The following RFX7 variants were observed in gnomAD, a reference collection of about 807,000 sequenced individuals.
The protein encoded by RFX7 is regulatory factor X7.
A neutral mutation model predicts 111.8 loss-of-function variants in RFX7; 26 were observed. The observed-to-expected ratio is 0.23, with a 90% CI of 0.17 to 0.32. The LOEUF (loss-of-function observed/expected upper bound fraction) is 0.32. Ranked by LOEUF, RFX7 falls within the 10% of genes least tolerant of loss-of-function variation. The probability of loss-of-function intolerance (pLI) is 1.00; values close to 1 mark genes in which losing one functional copy is unlikely to be tolerated. For synonymous variants in RFX7, 624 were observed against 624.4 expected, an observed-to-expected ratio of 1.00 and a Z score of 0.01; for missense variants, 1,573 against 1,772.9, an observed-to-expected ratio of 0.89 and a Z score of 2.02.
intron 3 of RFX7, 132 bp downstream of exon 3, chr15:56,179,138 A>C (rs1273680053): frequency 1.6e-5 from 6 of 381,050 alleles, no homozygotes; most frequent in Non-Finnish European, 2.9e-5. Flanking sequence ...AGGGGGCTGT[A>C]ATTAAAATAT....
At chr15:56,196,420 T>C (rs1272313805) in intron 2 of RFX7, among the ~76,000 whole-genome samples, 1 of 152,112 alleles carries the variant, frequency 6.6e-6, no homozygotes, top group South Asian at 2.1e-4. Flanking sequence ...TTCACAGGCA[T>C]GAAGTTCTGC....
At chr15:56,100,524 T>C (rs1164309863) in intron 8 of RFX7, among the ~76,000 whole-genome samples, 1 of 152,230 alleles carries the variant, frequency 6.6e-6, no homozygotes, top group Non-Finnish European at 1.5e-5. Flanking sequence ...TAAGAGACTA[T>C]AATTCTGGCC....
intron 2 of RFX7, among the ~76,000 whole-genome samples, chr15:56,218,677 A>T (rs189679334): frequency 6.6e-6 from 1 of 152,314 alleles, no homozygotes; most frequent in East Asian, 1.9e-4. Flanking sequence ...AGCGAGCAAC[A>T]AAGAAGGCGA....
chr15:56,170,762 TA>T (rs2042836965), intron 3 of RFX7, among the ~76,000 whole-genome samples: 2 of 152,316 alleles, frequency 1.3e-5, no homozygotes, highest in South Asian at 2.1e-4. Flanking sequence ...CCATATTGAA[TA>T]GTGCATATAT....
intron 5 of RFX7, among the ~76,000 whole-genome samples, chr15:56,121,708 A>T (rs1429983781): frequency 6.6e-6 from 1 of 151,788 alleles, no homozygotes; most frequent in Admixed American, 6.6e-5. Flanking sequence ...GGTGTGCTTC[A>T]TTCTTTTTTT....
intron 5 of RFX7, among the ~76,000 whole-genome samples, chr15:56,105,414 G>A (rs1480839686): frequency 2.6e-5 from 4 of 152,126 alleles, no homozygotes; most frequent in Non-Finnish European, 5.9e-5. Context: ...AGATTTAAGG[G>A]TCATAGTAAG....
chr15:56,091,032 A>G lies in RFX7; in HGVS notation c.*2313T>C, dbSNP rs1406639102. 1.3e-5 allele frequency: 2 copies of G among 152,564 alleles called. No individual in the cohort carries two copies. The highest frequency in any genetic ancestry group is 2.1e-4 in the South Asian group (1 of 4,826). 9.5% of individuals were successfully genotyped at this position (152,564 alleles called of 1,614,324 possible). A position where few individuals can be genotyped will look rare whatever the true frequency, so the allele number is the denominator to read the frequency against. On this transcript the variant is annotated 3_prime_UTR_variant, in exon 10 of 10. Coordinates refer to ENST00000559447, the MANE Select transcript of RFX7 (RefSeq NM_022841.7). ...CCTGGTTAACACTGAACCAGTTTCA[A>G]TACAGCGAAGAAAAAAAAGAGTGGT...
chr15:56,119,761 A>C (rs1304888081), intron 5 of RFX7, among the ~76,000 whole-genome samples: 10 of 146,676 alleles, frequency 6.8e-5, no homozygotes, highest in African/African-American at 2.5e-4. Context: ...TGGGTGACAG[A>C]GTGACACTGT....
intron 2 of RFX7, among the ~76,000 whole-genome samples, chr15:56,203,763 AC>A (rs1391680352): frequency 6.6e-6 from 1 of 152,186 alleles, no homozygotes; most frequent in Non-Finnish European, 1.5e-5. Flanking sequence ...TCAGGAAGTT[AC>A]CCTATATGGT....
chr15:56,166,905 C>T (rs535582921), intron 3 of RFX7, among the ~76,000 whole-genome samples: 12 of 152,210 alleles, frequency 7.9e-5, no homozygotes, highest in South Asian at 4.1e-4. Context: ...TGCCTGGTTA[C>T]GGAACCTTTT....
chr15:56,132,943 A>G (rs1463778804), intron 5 of RFX7, among the ~76,000 whole-genome samples: 1 of 152,130 alleles, frequency 6.6e-6, no homozygotes, highest in African/African-American at 2.4e-5. Flanking sequence ...AACTGCATAA[A>G]CAGTGGGGCC....
intron 2 of RFX7, among the ~76,000 whole-genome samples, chr15:56,209,593 A>C (rs2043290113): frequency 6.6e-6 from 1 of 152,160 alleles, no homozygotes; most frequent in Admixed American, 6.5e-5. Flanking sequence ...GGAACAATGT[A>C]CTGAATTATG....
chr15:56,228,898 T>C (rs747361120), intron 2 of RFX7, among the ~76,000 whole-genome samples: 17 of 152,282 alleles, frequency 1.1e-4, no homozygotes, highest in African/African-American at 2.6e-4. Flanking sequence ...AAATTAGGCA[T>C]AGTAAGAGAT....
At chr15:56,124,377 G>A (rs550104617) in intron 5 of RFX7, among the ~76,000 whole-genome samples, 9 of 151,360 alleles carry the variant, frequency 5.9e-5, no homozygotes, top group African/African-American at 1.9e-4. Context: ...AGCCGAGATC[G>A]TGCCACTCCA....
chr15:56,143,993 A>T (rs1362776975), intron 4 of RFX7, among the ~76,000 whole-genome samples: 1 of 152,110 alleles, frequency 6.6e-6, no homozygotes, highest in Non-Finnish European at 1.5e-5. Context: ...CATACAGGCA[A>T]TTTCACTTTA....
rs116499397 is a variant in RFX7, at chr15:56,229,836, C to A, written c.161+13289G>T. Among the ~76,000 whole-genome samples the A allele has an allele frequency of 4.5e-3, 684 of 152,190 alleles. 7 individuals are homozygous for A. The highest frequency in any genetic ancestry group is 0.016 in the African/African-American group (649 of 41,524). ...GCAAGATCTTTGGACCCCTGCCCCC[C>A]ACCCAAAAAGGAAGGAAGGAAAGAA... On this transcript the variant is annotated intron_variant, in intron 2 of 9. Transcript: ENST00000559447.
chr15:56,129,807 G>C (rs1488582628), intron 5 of RFX7, among the ~76,000 whole-genome samples: 24 of 152,164 alleles, frequency 1.6e-4, no homozygotes, highest in Admixed American at 1.4e-3. Flanking sequence ...TGGTTTTGTA[G>C]AAGGGTGAAA....
chr15:56,141,656 A>ACTATATATATATATATATATATACATAT, intron 5 of RFX7, among the ~76,000 whole-genome samples: 1 of 83,210 alleles, frequency 1.2e-5, no homozygotes, highest in Non-Finnish European at 2.2e-5. Context: ...GCTTACTCTA[A>ACTATATATATATATATATATATACATAT]ATATATATAT....
chr15:56,148,507 C>G (rs1439285614), intron 3 of RFX7, among the ~76,000 whole-genome samples: 1 of 152,182 alleles, frequency 6.6e-6, no homozygotes, highest in African/African-American at 2.4e-5. Flanking sequence ...GATCAAGTTG[C>G]TTTTGGAGGT....
Sources: allele counts gnomAD v4.1 joint callset (sites outside exome capture counted in the v4.1 genomes callset), GRCh38; gene constraint gnomAD v4.1.1; transcripts MANE v1.5; gene names NCBI Gene and HGNC (gene_info 2026-07-23, HGNC 2026-07-21).